The following CIMAP1A variants were observed in gnomAD, a reference collection of about 807,000 sequenced individuals.
CIMAP1A encodes the protein ciliary microtubule associated protein 1A, also known as cancer/testis antigen 135.
chr11:199,614 A>C, the CIMAP1A span: 3 of 1,458,338 alleles, frequency 2.1e-6, no homozygotes, highest in African/African-American at 2.8e-5. Context: ...AGACGAGGGG[A>C]AACAGGGTCA....
chr11:200,069 T>C, the CIMAP1A span: 2 of 1,607,812 alleles, frequency 1.2e-6, no homozygotes, highest in Non-Finnish European at 1.7e-6. Context: ...ACCCGGCATC[T>C]ACACAAGATC....
At chr11:197,276 A>G in the CIMAP1A span, 1 of 1,500,280 alleles carries the variant, frequency 6.7e-7, no homozygotes, top group Non-Finnish European at 9.0e-7. Context: ...AGCACCTGGT[A>G]ACCCTCTCAC....
At chr11:198,909 T>C in the CIMAP1A span, 3 of 1,217,812 alleles carry the variant, frequency 2.5e-6, no homozygotes, top group South Asian at 6.9e-5. Flanking sequence ...AAATAAACCA[T>C]GAGCTATTTG....
the CIMAP1A span, chr11:197,797 G>C: frequency 6.2e-7 from 1 of 1,601,518 alleles, no homozygotes. Context: ...GCCCTGCGCA[G>C]CCTCAGGCCT....
chr11:200,253 C>T, the CIMAP1A span: 3 of 560,320 alleles, frequency 5.4e-6, no homozygotes. Context: ...AATCAGATTG[C>T]ATTAATAAGG....
chr11:199,228 C>G, the CIMAP1A span: 16 of 1,471,436 alleles, frequency 1.1e-5, no homozygotes, highest in Non-Finnish European at 1.4e-5. Flanking sequence ...CACAGTGTGA[C>G]AGAAGACAGA....
chr11:197,818 G>A, the CIMAP1A span: 1 of 1,578,560 alleles, frequency 6.3e-7, no homozygotes, highest in Non-Finnish European at 8.6e-7. Context: ...GCCCCTCCCT[G>A]CTGGGTGCCC....
At chr11:197,022 G>A in the CIMAP1A span, 2 of 262,318 alleles carry the variant, frequency 7.6e-6, no homozygotes, top group African/African-American at 2.2e-5. Context: ...ACCGGCCCAG[G>A]GCTCCCTTAG....
chr11:200,112 C>T, the CIMAP1A span: 22 of 1,501,604 alleles, frequency 1.5e-5, no homozygotes, highest in Admixed American at 2.8e-4. Context: ...CTGTCTTCAC[C>T]AGCTGGGCTG....
chr11:200,106 C>A, the CIMAP1A span: 1 of 1,524,380 alleles, frequency 6.6e-7, no homozygotes, highest in African/African-American at 1.4e-5. Context: ...TCGAGGCTGT[C>A]TTCACCAGCT....
chr11:199,576 G>T, the CIMAP1A span: 1 of 1,350,960 alleles, frequency 7.4e-7, no homozygotes, highest in Non-Finnish European at 9.7e-7. Context: ...GGATGTGTAG[G>T]AAAGAGCAGG....
At chr11:198,392 G>C in the CIMAP1A span, 1 of 1,613,228 alleles carries the variant, frequency 6.2e-7, no homozygotes, top group Non-Finnish European at 8.5e-7. Context: ...CTGATCTCCA[G>C]AGTTGGGGGA....
At chr11:199,656 G>A in the CIMAP1A span, 1 of 1,354,842 alleles carries the variant, frequency 7.4e-7, no homozygotes, top group Non-Finnish European at 9.6e-7. Flanking sequence ...AGAAGGGGTG[G>A]AGGGGTGGGG....
the CIMAP1A span, chr11:197,353 G>A: frequency 4.4e-6 from 7 of 1,597,358 alleles, no homozygotes; most frequent in Non-Finnish European, 6.0e-6. Flanking sequence ...TCGCCCCCGG[G>A]GACCCATCAT....
the CIMAP1A span, chr11:197,433 T>G: frequency 6.3e-7 from 1 of 1,597,308 alleles, no homozygotes; most frequent in Non-Finnish European, 8.5e-7. Flanking sequence ...TGAGAGACTG[T>G]GGGAGAGGGT....
chr11:199,162 A>C, the CIMAP1A span: 2 of 1,418,026 alleles, frequency 1.4e-6, no homozygotes, highest in Admixed American at 5.7e-5. Context: ...CGTGAGGCTG[A>C]AATGGAGGAA....
chr11:200,123 G>C, the CIMAP1A span: 2 of 1,368,426 alleles, frequency 1.5e-6, no homozygotes, highest in Non-Finnish European at 2.1e-6. Context: ...AGCTGGGCTG[G>C]GCCAGCCTGG....
chr11:199,133 C>T, the CIMAP1A span: 1 of 1,394,056 alleles, frequency 7.2e-7, no homozygotes, highest in Non-Finnish European at 9.3e-7. Context: ...CTGGCACACA[C>T]TGGGGATGCC....
chr11:199,513 C>G, the CIMAP1A span: 1 of 1,552,558 alleles, frequency 6.4e-7, no homozygotes, highest in Non-Finnish European at 8.7e-7. Context: ...TGAGAAGGTC[C>G]AGGAAGAGCA....
Sources: gnomAD v4.1 joint callset for allele counts on GRCh38, gnomAD v4.1.1 for gene constraint, MANE v1.5 for transcripts, NCBI Gene and HGNC (gene_info 2026-07-23, HGNC 2026-07-21) for gene names.